Variants in ULK4 observed in about 807,000 individuals in gnomAD.
The protein encoded by ULK4 is inactive serine/threonine-protein kinase ULK4.
ULK4 carries 133 observed loss-of-function variants against 160.6 expected under a neutral mutation model. The ratio of observed to expected loss-of-function variants is 0.83; its 90% CI spans 0.72 to 0.96. The LOEUF is 0.96. Among genes scored for constraint, ULK4 ranks in the 40% least tolerant of loss-of-function variants. The pLI is 0.00. For synonymous variants in ULK4, 534 were observed against 539.8 expected (o/e 0.99, Z 0.15); for missense variants, 1,580 against 1,499.5 (o/e 1.05, Z -0.89).
intron 30 of ULK4, among the ~76,000 whole-genome samples, chr3:41,641,897 C>T (rs1380055692): frequency 1.5e-5 from 2 of 136,278 alleles, no homozygotes; most frequent in Admixed American, 7.8e-5. Context: ...TTCTTTGAGA[C>T]GGAGTTTCAC....
chr3:41,531,427 C>A (rs1335807244), intron 32 of ULK4, among the ~76,000 whole-genome samples: 1 of 102,854 alleles, frequency 9.7e-6, no homozygotes, highest in Admixed American at 1.6e-4. Flanking sequence ...GGTGACAGAG[C>A]AAGACTCCGT....
chr3:41,699,342 G>A (rs1297073471), intron 27 of ULK4, among the ~76,000 whole-genome samples: 3 of 152,114 alleles, frequency 2.0e-5, no homozygotes, highest in Non-Finnish European at 2.9e-5. Flanking sequence ...TTTACAAAAG[G>A]ATAGGTTTTT....
chr3:41,953,285 C>CACATATAT (rs374288098), intron 2 of ULK4, among the ~76,000 whole-genome samples: 29,858 of 82,714 alleles, frequency 0.36, 5,582 homozygotes, highest in East Asian at 0.51. Context: ...CATATATACA[C>CACATATAT]ATATATATAT....
chr3:41,778,059 G>A (rs1478393127), intron 21 of ULK4, among the ~76,000 whole-genome samples: 1 of 128,228 alleles, frequency 7.8e-6, no homozygotes, highest in Non-Finnish European at 1.6e-5. Context: ...GTTTGCAGAC[G>A]ACATGATTGT....
intron 22 of ULK4, among the ~76,000 whole-genome samples, chr3:41,723,480 G>T (rs1392032970): frequency 6.6e-6 from 1 of 152,076 alleles, no homozygotes; most frequent in Non-Finnish European, 1.5e-5. Flanking sequence ...GTTGAGGTGG[G>T]AATCTAATTT....
At chr3:41,657,180 G>T (rs2034968735) in intron 30 of ULK4, among the ~76,000 whole-genome samples, 1 of 152,060 alleles carries the variant, frequency 6.6e-6, no homozygotes, top group Non-Finnish European at 1.5e-5. Context: ...ATTTGATTAT[G>T]CTCGTCCCTC....
chr3:41,541,127 T>G (rs1442373127), intron 32 of ULK4, among the ~76,000 whole-genome samples: 1 of 152,236 alleles, frequency 6.6e-6, no homozygotes, highest in Non-Finnish European at 1.5e-5. Context: ...TGAATGGTAT[T>G]GCTCAGGTTT....
chr3:41,906,051 A>G (rs984946665), intron 12 of ULK4, among the ~76,000 whole-genome samples: 2 of 151,980 alleles, frequency 1.3e-5, no homozygotes, highest in African/African-American at 4.8e-5. Context: ...CCCCGTCTGC[A>G]CTAAAAACAC....
intron 34 of ULK4, among the ~76,000 whole-genome samples, chr3:41,420,024 C>T (rs2082624202): frequency 6.6e-6 from 1 of 151,920 alleles, no homozygotes; most frequent in African/African-American, 2.4e-5. Flanking sequence ...CTTCCTTTTC[C>T]CCTTTCTCTT....
chr3:41,872,230 A>C (rs558232195), intron 17 of ULK4, among the ~76,000 whole-genome samples: 3 of 152,266 alleles, frequency 2.0e-5, no homozygotes, highest in African/African-American at 7.2e-5. Flanking sequence ...CTTCACCTCC[A>C]AACTCTTATC....
rs1313288099 is a variant in ULK4 at position 41,496,913 on chromosome 3, GA to G, written c.3227-33661del. On this transcript the variant is annotated intron_variant, in intron 32 of 36. Transcript: ENST00000301831. ...CCACCAGTAAATTAAGTAACACCCAGAAAAAAACTCAACCTTCTCTAAAGGA... is the reference window on the plus strand; with the variant it reads ...CCACCAGTAAATTAAGTAACACCCAGAAAAAACTCAACCTTCTCTAAAGGA... Among the ~76,000 whole-genome samples the G allele has an allele frequency of 3.3e-5, 5 of 151,516 alleles. No homozygotes were observed. In the East Asian group the frequency reaches 7.7e-4, roughly 23 times the overall value.
intron 19 of ULK4, among the ~76,000 whole-genome samples, chr3:41,808,994 C>T (rs1575746504): frequency 6.6e-6 from 1 of 151,868 alleles, no homozygotes; most frequent in Admixed American, 6.6e-5. Context: ...GGTGAAACCC[C>T]GTCTCTACAA....
At chr3:41,799,630 G>A (rs1672720999) in intron 20 of ULK4, among the ~76,000 whole-genome samples, 1 of 152,098 alleles carries the variant, frequency 6.6e-6, no homozygotes, top group Non-Finnish European at 1.5e-5. Flanking sequence ...GGGAGGCCAG[G>A]GCAGGCAGAT....
rs866610845 is a variant in ULK4, at chr3:41,271,011, T to C, written c.3679-21437A>G. Among the ~76,000 whole-genome samples the C allele has an allele frequency of 3.9e-5, 6 of 152,324 alleles. 1 individual carries two copies. The Middle Eastern group carries it at 0.014, about 345-fold the overall frequency. ...ACTGTGTTTTCTATATTTTTCTATG[T>C]CCTTTTTCTATGTCTTTCTCACATT... On this transcript the variant is annotated intron_variant, in intron 35 of 36. Transcript: ENST00000301831.
chr3:41,824,527 C>A (rs908684341), intron 18 of ULK4, among the ~76,000 whole-genome samples: 13 of 152,322 alleles, frequency 8.5e-5, no homozygotes, highest in East Asian at 1.9e-4. Context: ...TATCCCACGC[C>A]TGGCTCGGAG....
intron 35 of ULK4, among the ~76,000 whole-genome samples, chr3:41,273,753 T>C (rs6798841): frequency 0.012 from 1,797 of 152,262 alleles, 31 homozygotes; most frequent in African/African-American, 0.041. Context: ...ATGAATGGCT[T>C]GGGGCTATTC....
chr3:41,948,999 T>C (rs1375631706), intron 2 of ULK4, among the ~76,000 whole-genome samples: 1 of 152,128 alleles, frequency 6.6e-6, no homozygotes, highest in Non-Finnish European at 1.5e-5. Context: ...AATGATGTGA[T>C]TGATTTTATA....
At chr3:41,839,055 G>C (rs1451258609) in intron 17 of ULK4, among the ~76,000 whole-genome samples, 2 of 152,202 alleles carry the variant, frequency 1.3e-5, no homozygotes, top group East Asian at 3.8e-4. Flanking sequence ...ATTGCTGAAA[G>C]AGTAGATTTT....
chr3:41,740,530 A>G (rs1181315600), intron 22 of ULK4, among the ~76,000 whole-genome samples: 1 of 151,906 alleles, frequency 6.6e-6, no homozygotes, highest in African/African-American at 2.4e-5. Context: ...GTGAGCCATC[A>G]TATCATTTTT....
Sources: gnomAD v4.1 joint callset for allele counts (sites outside exome capture counted in the v4.1 genomes callset) on GRCh38, gnomAD v4.1.1 for gene constraint, MANE v1.5 for transcripts, NCBI Gene and HGNC (gene_info 2026-07-23, HGNC 2026-07-21) for gene names.